The following COL25A1 variants were observed in gnomAD, a reference collection of about 807,000 sequenced individuals.
The protein encoded by COL25A1 is collagen type XXV alpha 1 chain.
A neutral mutation model predicts 128.4 loss-of-function variants in COL25A1; 103 were observed. That is an observed-to-expected ratio of 0.80 (90% CI 0.68 to 0.94). The LOEUF is 0.94. COL25A1 is among the 40% of genes least tolerant of loss of function. The probability of loss-of-function intolerance (pLI) is 0.00; values close to 1 mark genes in which losing one functional copy is unlikely to be tolerated. For missense variants in COL25A1, 745 were observed against 840.0 expected (o/e 0.89, Z 1.40); for synonymous variants, 279 against 277.2 (o/e 1.01, Z -0.06).
At chr4:109,219,260 C>A (rs182105619) in intron 3 of COL25A1, among the ~76,000 whole-genome samples, 20 of 152,222 alleles carry the variant, frequency 1.3e-4, no homozygotes, top group Admixed American at 2.6e-4. Flanking sequence ...AAAACTGAGG[C>A]TGTGGAAGAC....
At chr4:108,908,726 G>C (rs1195111442) in intron 13 of COL25A1, among the ~76,000 whole-genome samples, 1 of 152,168 alleles carries the variant, frequency 6.6e-6, no homozygotes, top group Admixed American at 6.5e-5. Flanking sequence ...CTGTGCAGGA[G>C]ACCAGAGTTT....
intron 8 of COL25A1, among the ~76,000 whole-genome samples, chr4:108,950,087 T>C (rs1444434392): frequency 6.6e-6 from 1 of 152,182 alleles, no homozygotes; most frequent in Non-Finnish European, 1.5e-5. Flanking sequence ...CTTTTCCTCT[T>C]GTATTTTTTC....
intron 19 of COL25A1, among the ~76,000 whole-genome samples, chr4:108,872,863 G>C (rs1738933990): frequency 6.6e-6 from 1 of 151,754 alleles, no homozygotes; most frequent in African/African-American, 2.4e-5. Flanking sequence ...TTGATTTTTA[G>C]AAATTTTTCA....
rs1443384746 is a variant in COL25A1, at chr4:108,848,866, A to G, written c.1390-63T>C. 12 of 1,252,970 alleles carry G rather than the reference A, an allele frequency of 9.6e-6. 1 individual carries two copies. Among genetic ancestry groups the G allele is most frequent in the African/African-American group, 1.5e-5 (1 of 67,058 alleles). 77.6% of individuals were successfully genotyped at this position (1,252,970 alleles called of 1,614,324 possible). A position where few individuals can be genotyped will look rare whatever the true frequency, so the allele number is the denominator to read the frequency against. ...ATTGGTAACATACTGCACTACATAAAAAAACGATGCTAGTTTGTTAACACC... is the reference window on the plus strand; with the variant it reads ...ATTGGTAACATACTGCACTACATAAGAAAACGATGCTAGTTTGTTAACACC... On this transcript the variant is annotated intron_variant, in intron 26 of 37. Coordinates refer to ENST00000399132, the MANE Select transcript of COL25A1 (RefSeq NM_198721.4).
At chr4:108,839,317 A>G (rs1409655850) in intron 31 of COL25A1, among the ~76,000 whole-genome samples, 1 of 152,144 alleles carries the variant, frequency 6.6e-6, no homozygotes, top group Non-Finnish European at 1.5e-5. Context: ...ATATATTTGA[A>G]CTTTCAAAGG....
chr4:109,133,231 T>C (rs771052499), intron 3 of COL25A1, among the ~76,000 whole-genome samples: 14 of 152,176 alleles, frequency 9.2e-5, no homozygotes, highest in African/African-American at 3.1e-4. Context: ...AGTTTAAGTA[T>C]TGAAGAAAGA....
At chr4:109,232,522 T>A (rs1456353373) in intron 3 of COL25A1, among the ~76,000 whole-genome samples, 1 of 152,176 alleles carries the variant, frequency 6.6e-6, no homozygotes, top group African/African-American at 2.4e-5. Context: ...TAAATGCATT[T>A]GTGTAGCTAC....
At chr4:109,211,702 G>A (rs10049987) in intron 3 of COL25A1, among the ~76,000 whole-genome samples, 70,143 of 151,852 alleles carry the variant, frequency 0.46, 19,615 homozygotes, top group African/African-American at 0.78. Context: ...GAGACATTCC[G>A]TTGCTGGAGA....
chr4:108,984,495 G>C (rs909402849), intron 6 of COL25A1, among the ~76,000 whole-genome samples: 1 of 152,212 alleles, frequency 6.6e-6, no homozygotes, highest in Admixed American at 6.5e-5. Context: ...GGGGGCGGGA[G>C]GGAGGCTCAC....
intron 11 of COL25A1, among the ~76,000 whole-genome samples, chr4:108,924,381 C>T (rs190205888): frequency 8.5e-5 from 13 of 152,178 alleles, no homozygotes; most frequent in East Asian, 1.9e-4. Flanking sequence ...TTCCTCTCCC[C>T]GCTAGATTCC....
intron 6 of COL25A1, among the ~76,000 whole-genome samples, chr4:108,982,551 A>C (rs1753094249): frequency 6.6e-6 from 1 of 152,206 alleles, no homozygotes; most frequent in Admixed American, 6.5e-5. Flanking sequence ...AAAGCATTAT[A>C]GAAGAACCAG....
chr4:108,823,871 AATG>A (rs1230058992), intron 35 of COL25A1: 1 of 1,356,452 alleles, frequency 7.4e-7, no homozygotes, highest in Non-Finnish European at 9.4e-7. Context: ...TACTTTTTAA[AATG>A]ATTTTTTTTT....
At chr4:109,260,766 G>T (rs1278702394) in intron 3 of COL25A1, among the ~76,000 whole-genome samples, 1 of 152,030 alleles carries the variant, frequency 6.6e-6, no homozygotes, top group African/African-American at 2.4e-5. Context: ...AAAGTGCTGG[G>T]ATTACAGGCG....
chr4:108,874,840 G>C (rs1050850207), intron 19 of COL25A1, among the ~76,000 whole-genome samples: 1 of 152,132 alleles, frequency 6.6e-6, no homozygotes, highest in African/African-American at 2.4e-5. Flanking sequence ...GAATAAGTTG[G>C]GTAGAGCACC....
At chr4:108,949,978 C>G (rs115848187) in intron 8 of COL25A1, among the ~76,000 whole-genome samples, 1 of 152,158 alleles carries the variant, frequency 6.6e-6, no homozygotes, top group Admixed American at 6.5e-5. Flanking sequence ...AGACTTTATA[C>G]CAGGCTTTAC....
chr4:108,942,333 G>T, intron 8 of COL25A1: 1 of 1,446,194 alleles, frequency 6.9e-7, no homozygotes, highest in African/African-American at 1.4e-5. Flanking sequence ...TTCACTAGGG[G>T]ACAAACAAAA....
intron 3 of COL25A1, among the ~76,000 whole-genome samples, chr4:109,132,816 T>C (rs1259859118): frequency 7.2e-5 from 11 of 152,134 alleles, no homozygotes; most frequent in Non-Finnish European, 1.5e-4. Context: ...CTTCTAGATT[T>C]CCATATTACT....
intron 3 of COL25A1, among the ~76,000 whole-genome samples, chr4:109,248,852 A>G (rs900134893): frequency 6.6e-6 from 1 of 152,180 alleles, no homozygotes; most frequent in African/African-American, 2.4e-5. Flanking sequence ...AGTCCTTGAT[A>G]AGAAGAAGCA....
intron 3 of COL25A1, among the ~76,000 whole-genome samples, chr4:109,289,494 G>A (rs1039906404): frequency 6.6e-6 from 1 of 151,964 alleles, no homozygotes; most frequent in East Asian, 1.9e-4. Flanking sequence ...TGAAATGTAG[G>A]AGAAATATTG....
Sources: allele counts gnomAD v4.1 joint callset (sites outside exome capture counted in the v4.1 genomes callset), GRCh38; gene constraint gnomAD v4.1.1; transcripts MANE v1.5; gene names NCBI Gene and HGNC (gene_info 2026-07-23, HGNC 2026-07-21).